Variants in NR4A3 observed in about 807,000 individuals in gnomAD.
The protein encoded by NR4A3 is nuclear receptor subfamily 4 group A member 3, also known as chondrosarcoma, extraskeletal myxoid, fused to EWS.
In NR4A3, 13 loss-of-function variants were observed where a neutral mutation model predicts 55.6. That is an observed-to-expected ratio of 0.23 (90% confidence interval 0.15 to 0.37). The LOEUF (loss-of-function observed/expected upper bound fraction) is 0.37, where lower values mean the gene tolerates loss of function less well. Among genes scored for constraint, NR4A3 ranks in the 10% least tolerant of loss-of-function variants. The pLI is 1.00. For synonymous variants in NR4A3, 342 were observed against 357.9 expected (o/e 0.96, Z 0.50); for missense variants, 646 against 822.8 (o/e 0.79, Z 2.63).
chr9:99,833,947 C>T, intron 5 of NR4A3: 1 of 1,174,804 alleles, frequency 8.5e-7, no homozygotes, highest in Non-Finnish European at 1.1e-6. Flanking sequence ...CATCAGTTGT[C>T]AGGAGAACTG....
Position 99,864,403 on chromosome 9 carries a change from T to C in NR4A3, c.*536T>C, listed in dbSNP as rs2118190210. The C allele has an allele frequency of 4.4e-6, 1 of 227,984 alleles. No individual in the cohort carries two copies. Among genetic ancestry groups the C allele is most frequent in the East Asian group, 6.4e-5 (1 of 15,716 alleles). 14.1% of individuals were successfully genotyped at this position (227,984 alleles called of 1,614,324 possible). ...CTTCTTCCTTTATTTTAACAAATGG[T>C]GAAAGATGGAGGATTACCTACAAAT... On this transcript the variant is annotated 3_prime_UTR_variant, in exon 8 of 8. Coordinates refer to ENST00000395097, the MANE Select transcript of NR4A3 (RefSeq NM_006981.4).
At position 99,863,669 on chromosome 9, in the gene NR4A3, G is replaced by A; in HGVS notation, c.1683G>A (p.Lys561=). 1 of 1,614,018 alleles carries A rather than the reference G, an allele frequency of 6.2e-7. No homozygotes were observed. The highest frequency in any genetic ancestry group is 8.5e-7 in the Non-Finnish European group (1 of 1,179,958). ...EPKRVEELCN[K]ITSSLKDHQS... ...AGAGAGTCGAAGAGCTATGCAACAA[G>A]ATCACAAGCAGTTTAAAAGACCACC... Residue 561 remains lysine, a synonymous_variant, in exon 8 of 8, where the codon AAG becomes AAA. Transcript: ENST00000395097.
chr9:99,824,564 C>T (rs1183286856), intron 1 of NR4A3, among the ~76,000 whole-genome samples: 2 of 152,218 alleles, frequency 1.3e-5, no homozygotes, highest in Non-Finnish European at 2.9e-5. Flanking sequence ...GTTTCCTGGA[C>T]CTGGGAGCCC....
intron 7 of NR4A3, among the ~76,000 whole-genome samples, chr9:99,856,299 C>T (rs1043521005): frequency 6.6e-6 from 1 of 151,684 alleles, no homozygotes. Context: ...ATTAGATTCT[C>T]ATAAGGAACG....
At chr9:99,839,307 A>ATT (rs142317239) in intron 5 of NR4A3, among the ~76,000 whole-genome samples, 2,473 of 152,358 alleles carry the variant, frequency 0.016, 65 homozygotes, top group African/African-American at 0.057. Flanking sequence ...CACATCTAAA[A>ATT]TTTTTAGAGC....
intron 5 of NR4A3, among the ~76,000 whole-genome samples, chr9:99,836,005 T>G (rs991250928): frequency 6.6e-6 from 1 of 152,234 alleles, no homozygotes; most frequent in Non-Finnish European, 1.5e-5. Context: ...ATTCCCCTGC[T>G]TTTAGATGGC....
intron 3 of NR4A3, 42 bp from the exon 4 acceptor site, chr9:99,832,647 C>A: frequency 6.8e-7 from 1 of 1,481,284 alleles, no homozygotes; most frequent in Non-Finnish European, 9.1e-7. Flanking sequence ...CTACCTCTTT[C>A]CAGAAACTAT....
At chr9:99,852,351 GC>G (rs1827864044) in intron 7 of NR4A3, among the ~76,000 whole-genome samples, 1 of 152,194 alleles carries the variant, frequency 6.6e-6, no homozygotes, top group African/African-American at 2.4e-5. Flanking sequence ...GCAGGCTATT[GC>G]ATTTGATGAC....
At chr9:99,848,623 C>T (rs1377302047) in intron 7 of NR4A3, among the ~76,000 whole-genome samples, 2 of 152,202 alleles carry the variant, frequency 1.3e-5, no homozygotes, top group Non-Finnish European at 2.9e-5. Flanking sequence ...GGATTCCTGG[C>T]GTGAGCCACC....
intron 7 of NR4A3, among the ~76,000 whole-genome samples, chr9:99,852,960 C>T (rs1203555842): frequency 1.3e-5 from 2 of 152,094 alleles, no homozygotes; most frequent in Non-Finnish European, 2.9e-5. Flanking sequence ...TCAAACTTAG[C>T]GGGGCAAAAT....
At chr9:99,829,100 C>T (rs766137113) in intron 3 of NR4A3, 107 bp downstream of exon 3, 3 of 1,187,270 alleles carry the variant, frequency 2.5e-6, no homozygotes, top group Non-Finnish European at 3.2e-6. Context: ...GAGCTGTAAT[C>T]GGCACATCAT....
intron 1 of NR4A3, among the ~76,000 whole-genome samples, chr9:99,823,741 C>T (rs1302014196): frequency 6.6e-6 from 1 of 151,062 alleles, no homozygotes; most frequent in East Asian, 1.9e-4. Flanking sequence ...CCGCCCCCCA[C>T]CCCCCGGCAC....
Position 99,828,969 on chromosome 9 carries a change from C to T in NR4A3, c.927C>T (p.Cys309=). 7.1e-7 allele frequency: 1 copy of T among 1,404,768 alleles called. No individual in the cohort carries two copies. Among genetic ancestry groups the T allele is most frequent in the Non-Finnish European group, 9.3e-7 (1 of 1,078,034 alleles). 87.0% of individuals were successfully genotyped at this position (1,404,768 alleles called of 1,614,324 possible). The change falls in exon 3 of 8, where the codon TGC becomes TGT. Residue 309 remains cysteine, a synonymous_variant. Transcript: ENST00000395097. The surrounding 1 kb of genome is among the most constrained non-coding windows in gnomAD (Gnocchi z 7.7). ...GCCAGCACTACGGCGTGCGAACCTGCGAGGGCTGCAAGGGCTTTTTCAAGG... is the reference window on the plus strand; with the variant it reads ...GCCAGCACTACGGCGTGCGAACCTGTGAGGGCTGCAAGGGCTTTTTCAAGG... ...AACQHYGVRT[C]EGCKGFFKRT... is the part of the protein sequence containing the mutation.
Position 99,828,183 on chromosome 9 carries a change from C to A in NR4A3, c.141C>A (p.Ile47=), listed in dbSNP as rs780978246. Residue 47 remains isoleucine, a synonymous_variant, in exon 3 of 8, where the codon ATC becomes ATA. Transcript: ENST00000395097. The surrounding 1 kb of genome is among the most constrained non-coding windows in gnomAD (Gnocchi z 7.7). ...KLTMDLGSTE[I]TATATTSLPS... is the part of the protein sequence containing the mutation. ...CCATGGACCTTGGCAGCACTGAGATCACGGCTACAGCCACCACGTCCCTGC... is the reference window on the plus strand; with the variant it reads ...CCATGGACCTTGGCAGCACTGAGATAACGGCTACAGCCACCACGTCCCTGC... The A allele has an allele frequency of 6.2e-7, 1 of 1,614,116 alleles. No homozygotes were observed. Among genetic ancestry groups the A allele is most frequent in the South Asian group, 1.1e-5 (1 of 91,076 alleles).
chr9:99,825,685 G>A lies in NR4A3; in HGVS notation c.-150G>A. The A allele has an allele frequency of 6.3e-6, 1 of 158,382 alleles. No homozygotes were observed. Among genetic ancestry groups the A allele is most frequent in the Non-Finnish European group, 1.4e-5 (1 of 71,314 alleles). 9.8% of individuals were successfully genotyped at this position (158,382 alleles called of 1,614,324 possible). On this transcript the variant is annotated 5_prime_UTR_variant, in exon 2 of 8. Transcript: ENST00000395097. The surrounding 1 kb of genome is among the most constrained non-coding windows in gnomAD (Gnocchi z 5.0). ...GCCCACTGCGGAAGAGGGCAGCCCG[G>A]CAAGCCCGGGCCCTGAGCCTGGACC...
At chr9:99,844,601 A>G (rs1827720230) in intron 5 of NR4A3, 48 bp from the exon 6 acceptor site, 2 of 1,508,186 alleles carry the variant, frequency 1.3e-6, no homozygotes, top group South Asian at 2.3e-5. Context: ...TGATGCCATC[A>G]TCCCCACTGA....
chr9:99,855,741 G>C (rs565038972), intron 7 of NR4A3, among the ~76,000 whole-genome samples: 1 of 152,328 alleles, frequency 6.6e-6, no homozygotes, highest in South Asian at 2.1e-4. Flanking sequence ...AGAGAAAGGG[G>C]TAGAGCTCCG....
At chr9:99,855,038 T>G (rs1404107182) in intron 7 of NR4A3, among the ~76,000 whole-genome samples, 2 of 149,462 alleles carry the variant, frequency 1.3e-5, no homozygotes, top group Admixed American at 1.3e-4. Context: ...CTTGAAGAGG[T>G]CCTTCACATC....
Position 99,846,492 on chromosome 9 carries a change from T to C in NR4A3, c.1455-945T>C, listed in dbSNP as rs563046968. Among the ~76,000 whole-genome samples the C allele has an allele frequency of 1.5e-4, 23 of 152,316 alleles. No homozygotes were observed. The East Asian group carries it at 4.2e-3, about 28-fold the overall frequency. ...CTATCATGAAAGAAGAATGAGATGA[T>C]GATGGACATAATATAAACTATCAGG... On this transcript the variant is annotated intron_variant, in intron 6 of 7. Transcript: ENST00000395097.
Sources: gnomAD v4.1 joint callset for allele counts (sites outside exome capture counted in the v4.1 genomes callset) on GRCh38, gnomAD v4.1.1 for gene constraint, Gnocchi (gnomAD v3.1) non-coding constraint, MANE v1.5 for transcripts, NCBI Gene and HGNC (gene_info 2026-07-23, HGNC 2026-07-21) for gene names.